TSPEAR: variants seen among roughly 807,000 people sequenced by gnomAD.
TSPEAR encodes thrombospondin-type laminin G domain and EAR repeat-containing protein.
Under a neutral mutation model 71.6 loss-of-function variants are expected in TSPEAR, and 69 were observed. The observed-to-expected ratio is 0.96, with a 90% CI of 0.79 to 1.18. The LOEUF is 1.18. TSPEAR is among the 50% of genes most tolerant of loss of function. TSPEAR has a pLI of 0.00. For missense variants in TSPEAR, 971 were observed against 894.9 expected (o/e 1.09, Z -1.09); for synonymous variants, 402 against 387.2 (o/e 1.04, Z -0.45).
intron 1 of TSPEAR, among the ~76,000 whole-genome samples, chr21:44,700,111 C>A (rs1050109184): frequency 2.6e-5 from 4 of 152,210 alleles, no homozygotes; most frequent in Non-Finnish European, 5.9e-5. Flanking sequence ...CCCATGACAA[C>A]AGAGATTCTT....
At chr21:44,595,659 GCA>G (rs1399603658) in intron 1 of TSPEAR, among the ~76,000 whole-genome samples, 1 of 152,212 alleles carries the variant, frequency 6.6e-6, no homozygotes, top group Non-Finnish European at 1.5e-5. Flanking sequence ...GGAACGTGCG[GCA>G]CTGAGGAGAA....
In TSPEAR at chr21:44,708,577, C is replaced by T. The variant is rs1052807081; in HGVS notation, c.82+2856G>A. Among the ~76,000 whole-genome samples the T allele has an allele frequency of 2.0e-5, 3 of 152,172 alleles. No individual in the cohort carries two copies. In the East Asian group the frequency reaches 5.8e-4, roughly 29 times the overall value. ...AGTGATCTTTTAAGATGCAAATCTG[C>T]GCCATCATTTATTTCCTCAGTGCCT... is the stretch of plus-strand genomic sequence containing the variant. On this transcript the variant is annotated intron_variant, in intron 1 of 11. Coordinates refer to ENST00000323084, the MANE Select transcript of TSPEAR (RefSeq NM_144991.3).
At chr21:44,501,367 G>A (rs1319387464) in intron 11 of TSPEAR, among the ~76,000 whole-genome samples, 4 of 152,114 alleles carry the variant, frequency 2.6e-5, no homozygotes, top group Admixed American at 6.5e-5. Context: ...AGGCCGAGGC[G>A]GGCAGATCAC....
chr21:44,539,431 G>C, intron 2 of TSPEAR: 2 of 1,603,032 alleles, frequency 1.2e-6, no homozygotes, highest in South Asian at 2.2e-5. Flanking sequence ...AGGCGGGCCG[G>C]CATACAGGGC....
chr21:44,664,935 G>A (rs1985675889), intron 1 of TSPEAR, among the ~76,000 whole-genome samples: 1 of 152,152 alleles, frequency 6.6e-6, no homozygotes, highest in Non-Finnish European at 1.5e-5. Flanking sequence ...TTCTCCAGAA[G>A]CATTTTTTGG....
intron 3 of TSPEAR, among the ~76,000 whole-genome samples, chr21:44,533,017 G>A (rs1268560833): frequency 7.9e-5 from 12 of 152,194 alleles, no homozygotes; most frequent in Admixed American, 5.9e-4. Flanking sequence ...TGATGTTAGC[G>A]CCCTCCCCAC....
At chr21:44,607,541 C>T (rs587600089) in intron 1 of TSPEAR, among the ~76,000 whole-genome samples, 12 of 152,302 alleles carry the variant, frequency 7.9e-5, no homozygotes, top group Admixed American at 2.0e-4. Context: ...GTCTTCACGA[C>T]GTTGTGGTAG....
intron 1 of TSPEAR, chr21:44,627,636 C>T (rs782074595): frequency 6.2e-7 from 1 of 1,613,382 alleles, no homozygotes; most frequent in Non-Finnish European, 8.5e-7. Flanking sequence ...CGCCCACCTG[C>T]TCTGAGGATT....
intron 1 of TSPEAR, among the ~76,000 whole-genome samples, chr21:44,616,230 TAAC>T (rs587702187): frequency 1.4e-3 from 209 of 152,336 alleles, no homozygotes; most frequent in African/African-American, 4.8e-3. Flanking sequence ...ACCTCTGCTC[TAAC>T]AACATGACAG....
At chr21:44,662,705 A>G (rs1555943925) in intron 1 of TSPEAR, among the ~76,000 whole-genome samples, 1 of 152,240 alleles carries the variant, frequency 6.6e-6, no homozygotes, top group Admixed American at 6.5e-5. Flanking sequence ...CAAAAAGACT[A>G]TATTGTGCCA....
chr21:44,547,724 C>T (rs1569178495), intron 2 of TSPEAR, among the ~76,000 whole-genome samples: 1 of 152,302 alleles, frequency 6.6e-6, no homozygotes, highest in East Asian at 1.9e-4. Context: ...TATTGGTCCA[C>T]ACCCCCCAGC....
intron 1 of TSPEAR, among the ~76,000 whole-genome samples, chr21:44,707,554 G>C (rs948116957): frequency 6.6e-6 from 1 of 152,092 alleles, no homozygotes; most frequent in African/African-American, 2.4e-5. Flanking sequence ...CAGCCCTAAA[G>C]CTAAACATTC....
At chr21:44,503,510 T>C (rs1342091325) in intron 11 of TSPEAR, among the ~76,000 whole-genome samples, 3 of 105,824 alleles carry the variant, frequency 2.8e-5, no homozygotes, top group Admixed American at 1.0e-4. Context: ...AGGCCGGCCT[T>C]GGTGAGCCCT....
At chr21:44,677,142 G>A in intron 1 of TSPEAR, 1 of 715,030 alleles carries the variant, frequency 1.4e-6, no homozygotes, top group South Asian at 1.5e-5. Context: ...CAACTATCAT[G>A]TTGTGAAGTT....
chr21:44,580,332 G>A, intron 1 of TSPEAR: 3 of 1,613,736 alleles, frequency 1.9e-6, no homozygotes, highest in South Asian at 1.1e-5. Context: ...TGCTGGCAGG[G>A]GGAGGAGGCG....
chr21:44,700,970 G>A (rs1987620381), intron 1 of TSPEAR, among the ~76,000 whole-genome samples: 1 of 152,174 alleles, frequency 6.6e-6, no homozygotes, highest in Admixed American at 6.5e-5. Context: ...GACAGAGGCA[G>A]AAACCAACAG....
chr21:44,702,067 C>T (rs1987674539), intron 1 of TSPEAR, among the ~76,000 whole-genome samples: 1 of 152,194 alleles, frequency 6.6e-6, no homozygotes, highest in Non-Finnish European at 1.5e-5. Context: ...ACCCTAAGTG[C>T]CGTCACACAC....
intron 1 of TSPEAR, among the ~76,000 whole-genome samples, chr21:44,625,733 G>A (rs1348851122): frequency 1.3e-5 from 2 of 152,156 alleles, no homozygotes; most frequent in Non-Finnish European, 2.9e-5. Context: ...GAATGTGCAG[G>A]GCCACCACTG....
chr21:44,591,021 G>A (rs142113760), intron 1 of TSPEAR, among the ~76,000 whole-genome samples: 2 of 128,530 alleles, frequency 1.6e-5, no homozygotes. Flanking sequence ...GCCTGCTGGG[G>A]GTCAGGACTC....
Sources: allele counts gnomAD v4.1 joint callset (sites outside exome capture counted in the v4.1 genomes callset), GRCh38; gene constraint gnomAD v4.1.1; transcripts MANE v1.5; gene names NCBI Gene and HGNC (gene_info 2026-07-23, HGNC 2026-07-21).